Variants in UBE2E2 observed in about 807,000 individuals in gnomAD.
The protein encoded by UBE2E2 is ubiquitin-conjugating enzyme E2 E2.
A neutral mutation model predicts 24.7 loss-of-function variants in UBE2E2; 6 were observed. That is an observed-to-expected ratio of 0.24 (90% confidence interval 0.13 to 0.48). The LOEUF (loss-of-function observed/expected upper bound fraction) is 0.48, where lower values mean the gene tolerates loss of function less well. UBE2E2 is among the 20% of genes least tolerant of loss of function. The pLI, the probability that UBE2E2 is intolerant of heterozygous loss-of-function variation, is 0.99. For synonymous variants in UBE2E2, 104 were observed against 83.6 expected (o/e 1.24, Z -1.33); for missense variants, 169 against 245.0 (o/e 0.69, Z 2.07).
Position 23,274,522 on chromosome 3 carries a change from A to G in UBE2E2, c.227+57210A>G. On this transcript the variant is annotated intron_variant, in intron 3 of 5. Coordinates refer to ENST00000396703, the MANE Select transcript of UBE2E2 (RefSeq NM_152653.4). ...AGGCGCGCACCACCATGCCTGGCTA[A>G]TTTTTTTTTTTGTATTTTTTATAGA... Among the ~76,000 whole-genome samples, 2 of 146,662 alleles carry G rather than the reference A, an allele frequency of 1.4e-5. 1 individual carries two copies. The highest frequency in any genetic ancestry group is 7.0e-3 in the Middle Eastern group (2 of 284).
chr3:23,256,158 T>C (rs567499779), intron 3 of UBE2E2, among the ~76,000 whole-genome samples: 2 of 152,338 alleles, frequency 1.3e-5, no homozygotes, highest in South Asian at 2.1e-4. Flanking sequence ...ACCTAATTTT[T>C]CTTTCGTTCT....
At chr3:23,333,317 G>A (rs1238531449) in intron 3 of UBE2E2, among the ~76,000 whole-genome samples, 2 of 152,148 alleles carry the variant, frequency 1.3e-5, no homozygotes, top group Non-Finnish European at 2.9e-5. Context: ...TGTCTCTTTC[G>A]AAGGCTATAA....
rs1553620573 is a variant in UBE2E2, at chr3:23,556,454, T to TTAAAAA, written c.508+23753_508+23754insTAAAAA. On this transcript the variant is annotated intron_variant, in intron 5 of 5. Transcript: ENST00000396703. ...CCATGCCCAGCCAATAAAATTTATT[T>TTAAAAA]AAAAAAAAAAAAAAAAAAGCTATAC... Among the ~76,000 whole-genome samples the TTAAAAA allele has an allele frequency of 8.3e-3, 784 of 94,312 alleles. 24 individuals are homozygous for TTAAAAA. The highest frequency in any genetic ancestry group is 0.031 in the African/African-American group (685 of 22,194). 61.9% of individuals were successfully genotyped at this position (94,312 alleles called of 152,430 possible). A position where few individuals can be genotyped will look rare whatever the true frequency, so the allele number is the denominator to read the frequency against.
intron 5 of UBE2E2, among the ~76,000 whole-genome samples, chr3:23,557,520 T>G (rs949612712): frequency 4.1e-4 from 62 of 152,158 alleles, no homozygotes; most frequent in African/African-American, 1.4e-3. Flanking sequence ...TGGGACAGTT[T>G]AGATACACCA....
chr3:23,424,948 C>A (rs145920318), intron 3 of UBE2E2, among the ~76,000 whole-genome samples: 1 of 152,214 alleles, frequency 6.6e-6, no homozygotes, highest in African/African-American at 2.4e-5. Flanking sequence ...ATTGTTTCAT[C>A]CTTTTCTACT....
intron 3 of UBE2E2, among the ~76,000 whole-genome samples, chr3:23,364,417 C>T (rs1419123260): frequency 6.6e-6 from 1 of 151,860 alleles, no homozygotes; most frequent in African/African-American, 2.4e-5. Context: ...TCCAAATAAA[C>T]AGAATCAGAA....
intron 3 of UBE2E2, among the ~76,000 whole-genome samples, chr3:23,462,057 G>A (rs1698814749): frequency 6.6e-6 from 1 of 152,002 alleles, no homozygotes; most frequent in Non-Finnish European, 1.5e-5. Context: ...ATGAATTGTA[G>A]CATATTTCTC....
chr3:23,297,331 A>G (rs1463979976), intron 3 of UBE2E2, among the ~76,000 whole-genome samples: 1 of 151,586 alleles, frequency 6.6e-6, no homozygotes, highest in Non-Finnish European at 1.5e-5. Flanking sequence ...CCATTTGTCA[A>G]TTTTGGCTTT....
chr3:23,560,245 T>A (rs1294729085), intron 5 of UBE2E2, among the ~76,000 whole-genome samples: 1 of 116,514 alleles, frequency 8.6e-6, no homozygotes, highest in African/African-American at 3.3e-5. Flanking sequence ...GGCCCCGGTG[T>A]GTGATGTTCC....
In UBE2E2 at chr3:23,583,093, G is replaced by A. The variant is rs934781452; in HGVS notation, c.509-6641G>A. Among the ~76,000 whole-genome samples, 8 of 152,058 alleles carry A rather than the reference G, an allele frequency of 5.3e-5. No individual in the cohort carries two copies. Among genetic ancestry groups the A allele is most frequent in the Admixed American group, 1.3e-4 (2 of 15,260 alleles). Reference sequence around the variant, plus strand: ...CATTTAAGTCTTTAATCCATCTTGAGTTGATTTTTGGATGTGGTGTAAGGA... The same window carrying A: ...CATTTAAGTCTTTAATCCATCTTGAATTGATTTTTGGATGTGGTGTAAGGA... On this transcript the variant is annotated intron_variant, in intron 5 of 5. Coordinates refer to ENST00000396703, the MANE Select transcript of UBE2E2 (RefSeq NM_152653.4). The surrounding 1 kb of genome is among the most constrained non-coding windows in gnomAD (Gnocchi z 4.1).
At chr3:23,327,801 T>G (rs1351106565) in intron 3 of UBE2E2, among the ~76,000 whole-genome samples, 3 of 152,232 alleles carry the variant, frequency 2.0e-5, no homozygotes, top group Non-Finnish European at 4.4e-5. Context: ...ACAAAACTTC[T>G]GTGCATAAAT....
chr3:23,513,700 C>A (rs959468404), intron 4 of UBE2E2, among the ~76,000 whole-genome samples: 2 of 152,200 alleles, frequency 1.3e-5, no homozygotes, highest in African/African-American at 4.8e-5. Context: ...TCTTTTCCTA[C>A]ATCCTTATCA....
At chr3:23,409,787 C>A (rs1017249787) in intron 3 of UBE2E2, among the ~76,000 whole-genome samples, 2 of 151,758 alleles carry the variant, frequency 1.3e-5, no homozygotes, top group African/African-American at 4.8e-5. Context: ...AAAATCCTTT[C>A]TTGCCTCTTC....
intron 3 of UBE2E2, among the ~76,000 whole-genome samples, chr3:23,388,101 G>A (rs1370081808): frequency 6.6e-6 from 1 of 152,116 alleles, no homozygotes; most frequent in Non-Finnish European, 1.5e-5. Context: ...AGCTACCTAA[G>A]AAAAATTACC....
rs1200180681 is a variant in UBE2E2 at position 23,280,781 on chromosome 3, C to CT, written c.227+63475dup. On this transcript the variant is annotated intron_variant, in intron 3 of 5. Coordinates refer to ENST00000396703, the MANE Select transcript of UBE2E2 (RefSeq NM_152653.4). This position sits in a 1 kb window ranked among gnomAD's most constrained non-coding sequence, Gnocchi z 4.3. ...CTCACTTCTGTTTTTACTGATTCTG[C>CT]TTTTTTCCATGAATGTTGCCTTCTC... Among the ~76,000 whole-genome samples, 1 of 152,172 alleles carries CT rather than the reference C, an allele frequency of 6.6e-6. No individual in the cohort carries two copies. Among genetic ancestry groups the CT allele is most frequent in the Non-Finnish European group, 1.5e-5 (1 of 68,028 alleles).
In UBE2E2 at chr3:23,274,853, T is replaced by A. The variant is rs936666690; in HGVS notation, c.227+57541T>A. Among the ~76,000 whole-genome samples the A allele has an allele frequency of 5.9e-5, 9 of 152,258 alleles. No homozygotes were observed. In the East Asian group the frequency reaches 7.7e-4, roughly 13 times the overall value. ...ATGGAGTGATGTCAAATAGTATCCC[T>A]TTTTTTTGAAGAGTTTTGATAAATA... On this transcript the variant is annotated intron_variant, in intron 3 of 5. Transcript: ENST00000396703.
chr3:23,386,101 T>C (rs1696798564), intron 3 of UBE2E2, among the ~76,000 whole-genome samples: 1 of 152,036 alleles, frequency 6.6e-6, no homozygotes, highest in South Asian at 2.1e-4. Context: ...ATATAAGTAG[T>C]TGTCTTTAAT....
chr3:23,429,436 A>G (rs772073117), intron 3 of UBE2E2, among the ~76,000 whole-genome samples: 63 of 152,212 alleles, frequency 4.1e-4, no homozygotes, highest in Non-Finnish European at 7.8e-4. Flanking sequence ...ACTATACACC[A>G]TGACCAAATG....
At chr3:23,380,086 TAAAAAA>T (rs10559253) in intron 3 of UBE2E2, among the ~76,000 whole-genome samples, 1 of 136,286 alleles carries the variant, frequency 7.3e-6, no homozygotes, top group Non-Finnish European at 1.6e-5. Flanking sequence ...TTGATTACTG[TAAAAAA>T]AAAAAAAAAA....
Sources: allele counts gnomAD v4.1 joint callset (sites outside exome capture counted in the v4.1 genomes callset), GRCh38; gene constraint gnomAD v4.1.1; non-coding constraint Gnocchi (gnomAD v3.1); transcripts MANE v1.5; gene names NCBI Gene and HGNC (gene_info 2026-07-23, HGNC 2026-07-21).